Variants in TENT5C observed in about 807,000 individuals in gnomAD.
TENT5C encodes family with sequence similarity 46 member C.
Under a neutral mutation model 22.2 loss-of-function variants are expected in TENT5C, and 5 were observed. That is an observed-to-expected ratio of 0.22 (90% CI 0.12 to 0.47). The LOEUF (loss-of-function observed/expected upper bound fraction) is 0.47, where lower values mean the gene tolerates loss of function less well. Among genes scored for constraint, TENT5C ranks in the 20% least tolerant of loss-of-function variants. The pLI, the probability that TENT5C is intolerant of heterozygous loss-of-function variation, is 0.99. For missense variants in TENT5C, 364 were observed against 500.9 expected (o/e 0.73, Z 2.61); for synonymous variants, 199 against 195.4 (o/e 1.02, Z -0.15).
At chr1:117,614,974 T>C (rs1282149870) in intron 1 of TENT5C, among the ~76,000 whole-genome samples, 1 of 152,204 alleles carries the variant, frequency 6.6e-6, no homozygotes, top group Non-Finnish European at 1.5e-5. Flanking sequence ...TCCCAGCCAT[T>C]GTTCCTTTAA....
rs1031506834 is a variant in TENT5C, at chr1:117,626,660, C to T, written c.*2616C>T. The T allele has an allele frequency of 4.0e-6, 1 of 247,934 alleles. No homozygotes were observed. Among genetic ancestry groups the T allele is most frequent in the East Asian group, 6.0e-5 (1 of 16,604 alleles). 15.4% of individuals were successfully genotyped at this position (247,934 alleles called of 1,614,324 possible). ...TAATGCTCACACAAGCACCAGGTAC[C>T]CTGAGCTTATACTGAGTCCAGTGGT... On this transcript the variant is annotated 3_prime_UTR_variant, in exon 2 of 2. Transcript: ENST00000369448.
chr1:117,618,970 G>A (rs2101077577), intron 1 of TENT5C, among the ~76,000 whole-genome samples: 1 of 152,256 alleles, frequency 6.6e-6, no homozygotes, highest in East Asian at 1.9e-4. Flanking sequence ...GTCTTGAATT[G>A]TCATCTCGAA....
Position 117,623,153 on chromosome 1 carries a change from C to G in TENT5C, c.285C>G (p.Phe95Leu), listed in dbSNP as rs757552843. ...GCTGCAAAGACCTGGACCTAATCTT[C>G]CATGTGGCTCTTCCAACAGAGGCAG... ...GLGCKDLDLI[F>L]HVALPTEAEF... Residue 95 changes from phenylalanine (F) to leucine (L), a missense_variant, in exon 2 of 2, where the codon TTC (phenylalanine) becomes TTG (leucine). Phe to Leu is a conservative substitution (Grantham distance 22). Transcript: ENST00000369448. 3.7e-6 allele frequency: 6 copies of G among 1,614,092 alleles called. No homozygotes were observed. The African/African-American group carries it at 6.7e-5, about 18-fold the overall frequency.
At chr1:117,607,001 T>G in intron 1 of TENT5C, among the ~76,000 whole-genome samples, 1 of 152,150 alleles carries the variant, frequency 6.6e-6, no homozygotes, top group Non-Finnish European at 1.5e-5. Context: ...CCGGTGCGGC[T>G]GCCCCGGGAG....
chr1:117,612,086 G>C (rs1343107917), intron 1 of TENT5C, among the ~76,000 whole-genome samples: 2 of 152,194 alleles, frequency 1.3e-5, no homozygotes, highest in Non-Finnish European at 2.9e-5. Flanking sequence ...CTGCATGTGT[G>C]GGAGGCAAGA....
intron 1 of TENT5C, among the ~76,000 whole-genome samples, chr1:117,619,951 A>T (rs1775822): frequency 0.11 from 16,657 of 152,024 alleles, 1,303 homozygotes; most frequent in African/African-American, 0.22. Flanking sequence ...TATCATTCCT[A>T]TTTTTCACAA....
chr1:117,607,870 T>C (rs1336520862), intron 1 of TENT5C, among the ~76,000 whole-genome samples: 1 of 152,224 alleles, frequency 6.6e-6, no homozygotes, highest in East Asian at 1.9e-4. Flanking sequence ...GCAGGGGTTC[T>C]GTCCTTTGAC....
chr1:117,623,790 A>T lies in TENT5C; in HGVS notation c.922A>T (p.Met308Leu), dbSNP rs150740852. The change falls in exon 2 of 2, where the codon ATG (methionine) becomes TTG (leucine). Residue 308 changes from methionine to leucine, a missense_variant. Physicochemically the swap from Met to Leu is conservative, Grantham distance 15. Transcript: ENST00000369448. ...EEERSKYDYL[M>L]ILRRVVNEST... ...AGAGAGAAGCAAGTACGACTACCTC[A>T]TGATCCTTCGCAGGGTGGTGAACGA... 1.2e-6 allele frequency: 2 copies of T among 1,614,080 alleles called. No homozygotes were observed. Among genetic ancestry groups the T allele is most frequent in the Non-Finnish European group, 1.7e-6 (2 of 1,180,046 alleles).
chr1:117,608,231 A>G (rs1653587251), intron 1 of TENT5C, among the ~76,000 whole-genome samples: 1 of 152,236 alleles, frequency 6.6e-6, no homozygotes, highest in Admixed American at 6.5e-5. Context: ...TCCAGGGATT[A>G]AATTCATGTA....
intron 1 of TENT5C, among the ~76,000 whole-genome samples, chr1:117,616,163 C>A (rs1367535177): frequency 1.3e-5 from 2 of 152,254 alleles, no homozygotes; most frequent in South Asian, 4.1e-4. Context: ...CTTTTCTGAA[C>A]CTTATTACTT....
intron 1 of TENT5C, among the ~76,000 whole-genome samples, chr1:117,606,981 C>T (rs1487119045): frequency 6.6e-6 from 1 of 152,276 alleles, no homozygotes; most frequent in South Asian, 2.1e-4. Context: ...TGGGTCGACT[C>T]GGACGGATAC....
At chr1:117,619,695 A>G (rs1168540733) in intron 1 of TENT5C, among the ~76,000 whole-genome samples, 1 of 147,916 alleles carries the variant, frequency 6.8e-6, no homozygotes, top group African/African-American at 2.5e-5. Flanking sequence ...TCCAATCTAG[A>G]TCTTAGTTTG....
intron 1 of TENT5C, among the ~76,000 whole-genome samples, chr1:117,607,040 C>G (rs1423579935): frequency 6.6e-6 from 1 of 152,204 alleles, no homozygotes; most frequent in Non-Finnish European, 1.5e-5. Context: ...TCCCTTCGCA[C>G]TGGTCGCGAG....
At position 117,627,057 on chromosome 1, in the gene TENT5C, C is replaced by T. The variant is rs576003535; in HGVS notation, c.*3013C>T. The T allele has an allele frequency of 8.5e-5, 21 of 248,178 alleles. 1 individual carries two copies. The South Asian group carries it at 3.8e-3, about 45-fold the overall frequency. 15.4% of individuals were successfully genotyped at this position (248,178 alleles called of 1,614,324 possible). A position where few individuals can be genotyped will look rare whatever the true frequency, so the allele number is the denominator to read the frequency against. On this transcript the variant is annotated 3_prime_UTR_variant, in exon 2 of 2. Transcript: ENST00000369448. The stretch of plus-strand genomic sequence containing the variant: ...TGAAACTGAACTCTATTACTAATGC[C>T]TTCCAATCAGAGTTCCTGATGGGGA...
intron 1 of TENT5C, among the ~76,000 whole-genome samples, chr1:117,607,561 G>A (rs1162429853): frequency 2.0e-5 from 3 of 152,216 alleles, no homozygotes; most frequent in Non-Finnish European, 2.9e-5. Flanking sequence ...TCCTCCCAAA[G>A]TACACTTCTG....
Position 117,627,932 on chromosome 1 carries a change from TAAATA to T in TENT5C, c.*3893_*3897del, listed in dbSNP as rs1654047622. ...TTAAAAAAATAATTGAAGTGTAAGC[TAAATA>T]AAATGCTTGGAGTTTTGCCTGGGCT... On this transcript the variant is annotated 3_prime_UTR_variant, in exon 2 of 2. Transcript: ENST00000369448. 4.0e-6 allele frequency: 1 copy of T among 248,056 alleles called. No individual in the cohort carries two copies. The highest frequency in any genetic ancestry group is 6.0e-5 in the East Asian group (1 of 16,588). 15.4% of individuals were successfully genotyped at this position (248,056 alleles called of 1,614,324 possible). A position where few individuals can be genotyped will look rare whatever the true frequency, so the allele number is the denominator to read the frequency against.
chr1:117,626,784 T>G lies in TENT5C; in HGVS notation c.*2740T>G, dbSNP rs2101082237. On this transcript the variant is annotated 3_prime_UTR_variant, in exon 2 of 2. Coordinates refer to ENST00000369448, the MANE Select transcript of TENT5C (RefSeq NM_017709.4). ...TTCACATGCAAGTTCTAATCTAAAG[T>G]TAAGCAGTCTCTTATTTGTTTCGGG... 4.0e-6 allele frequency: 1 copy of G among 248,190 alleles called. No individual in the cohort carries two copies. The highest frequency in any genetic ancestry group is 5.6e-5 in the Admixed American group (1 of 17,806). 15.4% of individuals were successfully genotyped at this position (248,190 alleles called of 1,614,324 possible).
intron 1 of TENT5C, among the ~76,000 whole-genome samples, chr1:117,608,406 C>A (rs1394357616): frequency 6.6e-6 from 1 of 152,146 alleles, no homozygotes; most frequent in African/African-American, 2.4e-5. Flanking sequence ...AGCTGTATCT[C>A]CCCATAGTGC....
chr1:117,611,192 C>T (rs569871016), intron 1 of TENT5C, among the ~76,000 whole-genome samples: 14 of 152,328 alleles, frequency 9.2e-5, no homozygotes, highest in African/African-American at 3.4e-4. Context: ...ATCGTCATTC[C>T]TGTGGAATAA....
Sources: gnomAD v4.1 joint callset for allele counts (sites outside exome capture counted in the v4.1 genomes callset) on GRCh38, gnomAD v4.1.1 for gene constraint, MANE v1.5 for transcripts, NCBI Gene and HGNC (gene_info 2026-07-23, HGNC 2026-07-21) for gene names.